The following HEATR1 variants were observed in gnomAD, a reference collection of about 807,000 sequenced individuals.
HEATR1 encodes the protein HEAT repeat containing 1, also known as HEAT repeat-containing protein 1.
A neutral mutation model predicts 248.2 loss-of-function variants in HEATR1; 77 were observed. The observed-to-expected ratio is 0.31, with a 90% confidence interval of 0.26 to 0.37. The LOEUF is 0.37. HEATR1 is among the 10% of genes least tolerant of loss of function. The pLI is 1.00. For synonymous variants in HEATR1, 897 were observed against 923.1 expected (o/e 0.97, Z 0.51); for missense variants, 2,420 against 2,504.9 (o/e 0.97, Z 0.72).
intron 29 of HEATR1, among the ~76,000 whole-genome samples, chr1:236,567,662 T>C (rs1042649998): frequency 5.3e-5 from 8 of 152,282 alleles, no homozygotes; most frequent in South Asian, 2.1e-4. Context: ...TGACCCAAGA[T>C]CATGCCATTG....
Position 236,571,470 on chromosome 1 carries a change from TATCTAC to T in HEATR1, c.3827-4_3828del. ...ACGTTGAACTTCTCCTCATCTAAAA[TATCTAC>T]AATGGTGAGAAAGACAAAAACCCTA... On this transcript the variant is annotated splice_acceptor_variant and splice_polypyrimidine_tract_variant and coding_sequence_variant and intron_variant, in exon 28 of 45. Coordinates refer to ENST00000366582, the MANE Select transcript of HEATR1 (RefSeq NM_018072.6). LOFTEE classifies it high-confidence loss of function. The T allele has an allele frequency of 6.2e-7, 1 of 1,613,748 alleles. No homozygotes were observed.
At chr1:236,597,060 G>A (rs1664196006) in intron 5 of HEATR1, 84 bp from the exon 6 acceptor site, 2 of 1,297,484 alleles carry the variant, frequency 1.5e-6, no homozygotes, top group South Asian at 1.4e-5. Flanking sequence ...TCAAGGCTGA[G>A]ATTTCAATGA....
Position 236,574,882 on chromosome 1 carries a change from G to C in HEATR1, c.3106C>G (p.Pro1036Ala), listed in dbSNP as rs1208009274. The C allele has an allele frequency of 6.2e-7, 1 of 1,613,114 alleles. No homozygotes were observed. Among genetic ancestry groups the C allele is most frequent in the South Asian group, 1.1e-5 (1 of 90,952 alleles). ...NGEMVLSQLLPMAEQLLEKIQ... is the reference protein window; with the variant it reads ...NGEMVLSQLLAMAEQLLEKIQ... ...TTTTCTAGCAGTTGTTCAGCCATAG[G>C]CAATAGCTGAGAAAGCACCATCTAA... The change falls in exon 23 of 45, where the codon CCT (proline) becomes GCT (alanine). Residue 1036 changes from proline to alanine, a missense_variant. By Grantham distance (27) the Pro-to-Ala change is conservative. Transcript: ENST00000366582.
chr1:236,552,606 TTC>T (rs1662803391), intron 43 of HEATR1: 1 of 152,266 alleles, frequency 6.6e-6, no homozygotes, highest in Non-Finnish European at 1.5e-5. Context: ...ATAAAAAACA[TTC>T]TGTGTCACAA....
chr1:236,584,934 C>T, intron 17 of HEATR1, 91 bp downstream of exon 17: 2 of 1,108,316 alleles, frequency 1.8e-6, no homozygotes, highest in South Asian at 3.2e-5. Flanking sequence ...GACTCAACAT[C>T]TCGCCTCTGA....
At position 236,586,245 on chromosome 1, in the gene HEATR1, T is replaced by C. The variant is rs1275740611; in HGVS notation, c.1923A>G (p.Glu641=). The C allele has an allele frequency of 6.2e-7, 1 of 1,600,822 alleles. No individual in the cohort carries two copies. The highest frequency in any genetic ancestry group is 8.5e-7 in the Non-Finnish European group (1 of 1,174,680). The part of the protein sequence containing the change: ...CSLHPLLRGW[E]EALENVIKST... ...AAAAACAACTGAATTTTTTACCTTC[T>C]TCCCAGCCTCTTAATAGAGGGTGCA... The change falls in exon 15 of 45, where the codon GAA becomes GAG. Residue 641 remains glutamate (E), a synonymous_variant. Coordinates refer to ENST00000366582, the MANE Select transcript of HEATR1 (RefSeq NM_018072.6).
intron 32 of HEATR1, among the ~76,000 whole-genome samples, chr1:236,562,108 C>T (rs2103128274): frequency 6.6e-6 from 1 of 152,284 alleles, no homozygotes; most frequent in African/African-American, 2.4e-5. Context: ...AACAGTTTTG[C>T]CAATTTGATG....
At chr1:236,595,154 A>G (rs1387966041) in intron 8 of HEATR1, among the ~76,000 whole-genome samples, 2 of 152,148 alleles carry the variant, frequency 1.3e-5, no homozygotes, top group African/African-American at 4.8e-5. Context: ...TACTCTAGGG[A>G]AAAAACTTTT....
At position 236,550,526 on chromosome 1, in the gene HEATR1, ATG is replaced by A; in HGVS notation, c.*374_*375del. 1.1e-5 allele frequency: 2 copies of A among 175,346 alleles called. No individual in the cohort carries two copies. Among genetic ancestry groups the A allele is most frequent in the Non-Finnish European group, 2.4e-5 (2 of 83,918 alleles). The allele number at this position is 175,346 out of a possible 1,614,324, so 10.9% of individuals were successfully genotyped here. A position where few individuals can be genotyped will look rare whatever the true frequency, so the allele number is the denominator to read the frequency against. ...GAAATCTGCAACATGGATACCATGT[ATG>A]TAAGATACTGCTGTACAGAAGAGTT... On this transcript the variant is annotated 3_prime_UTR_variant, in exon 45 of 45. Transcript: ENST00000366582.
intron 33 of HEATR1, 129 bp from the exon 34 acceptor site, chr1:236,559,966 AACT>A: frequency 1.0e-6 from 1 of 956,530 alleles, no homozygotes; most frequent in African/African-American, 1.7e-5. Flanking sequence ...TTATTTCAAA[AACT>A]ACTCGGAAAG....
intron 32 of HEATR1, among the ~76,000 whole-genome samples, chr1:236,563,240 A>G (rs1298226935): frequency 6.6e-6 from 1 of 152,026 alleles, no homozygotes; most frequent in Non-Finnish European, 1.5e-5. Flanking sequence ...AGTAATTCCC[A>G]TCTATCCTGC....
At chr1:236,589,632 T>G (rs1233497452) in intron 12 of HEATR1, among the ~76,000 whole-genome samples, 1 of 152,210 alleles carries the variant, frequency 6.6e-6, no homozygotes, top group Non-Finnish European at 1.5e-5. Flanking sequence ...TTACTTGTAG[T>G]AAGAATCTGC....
intron 12 of HEATR1, among the ~76,000 whole-genome samples, chr1:236,590,284 G>A (rs1201671834): frequency 6.6e-6 from 1 of 152,100 alleles, no homozygotes; most frequent in Non-Finnish European, 1.5e-5. Context: ...CTGGAGAGCA[G>A]TGGCGTGATC....
At chr1:236,589,323 T>C (rs1485522192) in intron 12 of HEATR1, among the ~76,000 whole-genome samples, 1 of 152,202 alleles carries the variant, frequency 6.6e-6, no homozygotes, top group Non-Finnish European at 1.5e-5. Flanking sequence ...CTATTGGCAG[T>C]TTACAAAAGC....
At chr1:236,585,976 G>A (rs1663874201) in intron 15 of HEATR1, 35 bp from the exon 16 acceptor site, 3 of 1,609,576 alleles carry the variant, frequency 1.9e-6, no homozygotes, top group Non-Finnish European at 2.5e-6. Flanking sequence ...GAGCTCTTAT[G>A]TCACCAACAC....
In HEATR1 at chr1:236,576,348, C is replaced by T; in HGVS notation, c.2955G>A (p.Gln985=). ...GATGAGATTTCAGTTTCTTTTCTCT[C>T]TGTAGTTCCTCAAATAAAGTAGCCA... ...QDLATLFEEL[Q]REKKLKSHQK... The change falls in exon 22 of 45, where the codon CAG becomes CAA. Residue 985 remains glutamine (Q), a synonymous_variant. Transcript: ENST00000366582. 1 of 1,597,332 alleles carries T rather than the reference C, an allele frequency of 6.3e-7. No individual in the cohort carries two copies. The highest frequency in any genetic ancestry group is 8.5e-7 in the Non-Finnish European group (1 of 1,175,488).
At chr1:236,551,713 G>T in intron 44 of HEATR1, 1 of 312,850 alleles carries the variant, frequency 3.2e-6, no homozygotes, top group South Asian at 5.3e-5. Flanking sequence ...ACTGTAATCT[G>T]CTTGTATGAT....
chr1:236,566,149 C>A, intron 30 of HEATR1, 104 bp from the exon 31 acceptor site: 1 of 1,135,660 alleles, frequency 8.8e-7, no homozygotes, highest in South Asian at 1.6e-5. Context: ...GAGTATACTA[C>A]TTTATTTAGA....
chr1:236,570,410 GA>G (rs1416972218), intron 28 of HEATR1, among the ~76,000 whole-genome samples: 1 of 152,182 alleles, frequency 6.6e-6, no homozygotes, highest in Non-Finnish European at 1.5e-5. Flanking sequence ...GAGAGAGACA[GA>G]AAATGGATTA....
Sources: gnomAD v4.1 joint callset for allele counts (sites outside exome capture counted in the v4.1 genomes callset) on GRCh38, gnomAD v4.1.1 for gene constraint, MANE v1.5 for transcripts, NCBI Gene and HGNC (gene_info 2026-07-23, HGNC 2026-07-21) for gene names.